Variants in SNX30 observed in about 807,000 individuals in gnomAD.
SNX30 encodes the protein sorting nexin family member 30.
SNX30 carries 24 observed loss-of-function variants against 46.4 expected under a neutral mutation model. The ratio of observed to expected loss-of-function variants is 0.52; its 90% confidence interval spans 0.37 to 0.73. The LOEUF (loss-of-function observed/expected upper bound fraction) is 0.73. Among genes scored for constraint, SNX30 ranks in the 30% least tolerant of loss-of-function variants. SNX30 has a pLI of 0.00. For synonymous variants in SNX30, 189 were observed against 211.5 expected, an observed-to-expected ratio of 0.89 and a Z score of 0.92; for missense variants, 533 against 555.7, an observed-to-expected ratio of 0.96 and a Z score of 0.41.
chr9:112,784,396 G>GT (rs1839888378), intron 1 of SNX30, among the ~76,000 whole-genome samples: 1 of 152,166 alleles, frequency 6.6e-6, no homozygotes, highest in Admixed American at 6.5e-5. Context: ...ACCTCAGATT[G>GT]TTAAGCCTGT....
At chr9:112,781,105 T>C (rs1839839171) in intron 1 of SNX30, among the ~76,000 whole-genome samples, 1 of 152,244 alleles carries the variant, frequency 6.6e-6, no homozygotes, top group African/African-American at 2.4e-5. Context: ...GGTGGTGTCC[T>C]GAATATATTT....
chr9:112,804,041 C>T (rs2131400972), intron 1 of SNX30, among the ~76,000 whole-genome samples: 1 of 146,890 alleles, frequency 6.8e-6, no homozygotes, highest in South Asian at 2.3e-4. Context: ...CTGTCTGGCA[C>T]TCCCTAGTGA....
At chr9:112,768,197 G>A (rs899067709) in intron 1 of SNX30, among the ~76,000 whole-genome samples, 2 of 152,254 alleles carry the variant, frequency 1.3e-5, no homozygotes, top group South Asian at 4.1e-4. Context: ...GGGAAGTTAC[G>A]TCTCTGCCAA....
intron 7 of SNX30, among the ~76,000 whole-genome samples, chr9:112,859,234 A>G: frequency 6.6e-6 from 1 of 152,174 alleles, no homozygotes; most frequent in East Asian, 1.9e-4. Context: ...TGGTTTATCC[A>G]TGTTGTAATG....
chr9:112,807,284 T>A (rs925115905), intron 2 of SNX30, among the ~76,000 whole-genome samples: 1 of 152,146 alleles, frequency 6.6e-6, no homozygotes, highest in African/African-American at 2.4e-5. Flanking sequence ...CAGCCTGGTC[T>A]TGAACTCCTG....
intron 1 of SNX30, among the ~76,000 whole-genome samples, chr9:112,784,580 A>G (rs1310160177): frequency 1.3e-5 from 2 of 152,156 alleles, no homozygotes; most frequent in Non-Finnish European, 2.9e-5. Flanking sequence ...GTTCCGTGCC[A>G]GGAACACCTT....
At chr9:112,837,887 CTTTTTTTTTTTTT>C (rs10713538) in intron 5 of SNX30, among the ~76,000 whole-genome samples, 8 of 71,176 alleles carry the variant, frequency 1.1e-4, no homozygotes, top group Non-Finnish European at 1.5e-4. Context: ...TGGTTCTTTT[CTTTTTTTTTTTTT>C]TTTTTTTTTT....
At chr9:112,821,806 T>A (rs1840501785) in intron 3 of SNX30, among the ~76,000 whole-genome samples, 1 of 150,686 alleles carries the variant, frequency 6.6e-6, no homozygotes, top group Admixed American at 6.6e-5. Flanking sequence ...TATAAAATTT[T>A]AAGAGGCAGG....
At chr9:112,855,979 A>C (rs78810716) in intron 7 of SNX30, among the ~76,000 whole-genome samples, 1,657 of 152,182 alleles carry the variant, frequency 0.011, 14 homozygotes, top group Middle Eastern at 0.024. Context: ...TGGCACCGGG[A>C]GCATCCGCAC....
At chr9:112,768,647 C>CTTCTTCTTTT (rs1554748345) in intron 1 of SNX30, among the ~76,000 whole-genome samples, 20 of 64,360 alleles carry the variant, frequency 3.1e-4, no homozygotes, top group African/African-American at 4.8e-4. Flanking sequence ...ATTCTTTCTT[C>CTTCTTCTTTT]TTTTTTTTTT....
intron 7 of SNX30, among the ~76,000 whole-genome samples, chr9:112,858,059 A>T (rs544728844): frequency 1.5e-4 from 23 of 152,314 alleles, no homozygotes; most frequent in Non-Finnish European, 3.1e-4. Context: ...TCACCTCTGT[A>T]TAAATTTTTA....
At chr9:112,787,912 T>G (rs1311625324) in intron 1 of SNX30, among the ~76,000 whole-genome samples, 1 of 151,996 alleles carries the variant, frequency 6.6e-6, no homozygotes, top group Non-Finnish European at 1.5e-5. Flanking sequence ...TTCTTCTGTC[T>G]CAGCCTCCCG....
At position 112,872,357 on chromosome 9, in the gene SNX30, A is replaced by G. The variant is rs1322054761; in HGVS notation, c.*3514A>G. ...AGTTACTGTGTGACTTGGTCCTGCCATCGTTAGCTTTGAAATCACAGGCAT... is the reference window on the plus strand; with the variant it reads ...AGTTACTGTGTGACTTGGTCCTGCCGTCGTTAGCTTTGAAATCACAGGCAT... On this transcript the variant is annotated 3_prime_UTR_variant, in exon 9 of 9. Coordinates refer to ENST00000374232, the MANE Select transcript of SNX30 (RefSeq NM_001012994.2). 1.3e-5 allele frequency: 2 copies of G among 152,266 alleles called. No individual in the cohort carries two copies. Among genetic ancestry groups the G allele is most frequent in the Admixed American group, 6.5e-5 (1 of 15,286 alleles). 9.4% of individuals were successfully genotyped at this position (152,266 alleles called of 1,614,324 possible).
intron 2 of SNX30, among the ~76,000 whole-genome samples, chr9:112,815,069 T>A (rs934636979): frequency 2.0e-5 from 3 of 152,142 alleles, no homozygotes; most frequent in African/African-American, 7.2e-5. Flanking sequence ...ATATAAACCA[T>A]GTTAATTGTG....
chr9:112,858,114 T>A (rs971348272), intron 7 of SNX30, among the ~76,000 whole-genome samples: 1 of 152,214 alleles, frequency 6.6e-6, no homozygotes, highest in African/African-American at 2.4e-5. Context: ...GGTGTCATGA[T>A]AAGCAACACC....
intron 4 of SNX30, among the ~76,000 whole-genome samples, chr9:112,835,643 C>G (rs748144737): frequency 6.6e-6 from 1 of 152,088 alleles, no homozygotes; most frequent in Admixed American, 6.6e-5. Flanking sequence ...TATTTAGATA[C>G]AATGGGTTAT....
chr9:112,837,405 C>G (rs1353100454), intron 5 of SNX30, among the ~76,000 whole-genome samples: 2 of 152,012 alleles, frequency 1.3e-5, no homozygotes, highest in Non-Finnish European at 2.9e-5. Flanking sequence ...AAGACCACAT[C>G]TCTTGTATCA....
intron 1 of SNX30, among the ~76,000 whole-genome samples, chr9:112,777,909 A>C (rs1839776398): frequency 2.0e-5 from 3 of 152,130 alleles, no homozygotes; most frequent in Admixed American, 2.0e-4. Context: ...AACCACCCCA[A>C]AACTAAGTAG....
chr9:112,841,817 C>T (rs1363517966), intron 6 of SNX30, among the ~76,000 whole-genome samples: 5 of 152,142 alleles, frequency 3.3e-5, no homozygotes, highest in Admixed American at 6.5e-5. Context: ...TTTCTTCCTC[C>T]GAGAGAGTCA....
Sources: allele counts gnomAD v4.1 joint callset (sites outside exome capture counted in the v4.1 genomes callset), GRCh38; gene constraint gnomAD v4.1.1; transcripts MANE v1.5; gene names NCBI Gene and HGNC (gene_info 2026-07-23, HGNC 2026-07-21).